FMN1: variants seen among roughly 807,000 people sequenced by gnomAD.
FMN1 encodes formin 1, also known as formin-1.
A neutral mutation model predicts 132.4 loss-of-function variants in FMN1; 110 were observed. The observed-to-expected ratio is 0.83, with a 90% CI of 0.71 to 0.97. FMN1 has a LOEUF of 0.97. Among genes scored for constraint, FMN1 ranks in the 50% least tolerant of loss-of-function variants. The probability of loss-of-function intolerance (pLI) is 0.00; values close to 1 mark genes in which losing one functional copy is unlikely to be tolerated. For synonymous variants in FMN1, 722 were observed against 651.7 expected, an observed-to-expected ratio of 1.11 and a Z score of -1.64; for missense variants, 1,792 against 1,705.3, an observed-to-expected ratio of 1.05 and a Z score of -0.90.
Position 32,901,917 on chromosome 15 carries a change from A to G in FMN1, c.3501T>C (p.Ala1167=), listed in dbSNP as rs763753976. The change falls in exon 13 of 21, where the codon GCT becomes GCC. Residue 1167 remains alanine (A), a synonymous_variant. Coordinates refer to ENST00000616417, the MANE Select transcript of FMN1 (RefSeq NM_001277313.2). ...AATTAGACAGTAAACATACCTTAGA[A>G]GCTCGCGTGATGATCTCTACCTTTC... is the stretch of plus-strand genomic sequence containing the variant. ...LHRKVEIITR[A]SKDLLHVKSV... is the part of the protein sequence containing the mutation. 1 of 1,606,524 alleles carries G rather than the reference A, an allele frequency of 6.2e-7. No homozygotes were observed. The highest frequency in any genetic ancestry group is 2.2e-5 in the East Asian group (1 of 44,734).
At chr15:33,098,456 A>T (rs1033719255) in intron 4 of FMN1, among the ~76,000 whole-genome samples, 2 of 152,134 alleles carry the variant, frequency 1.3e-5, no homozygotes. Context: ...ACACACTACA[A>T]CATTATTCTG....
At chr15:32,862,128 A>G (rs2059283516) in intron 16 of FMN1, among the ~76,000 whole-genome samples, 2 of 152,198 alleles carry the variant, frequency 1.3e-5, no homozygotes, top group African/African-American at 4.8e-5. Context: ...TCTAGCAGAC[A>G]AATGGGAGAC....
chr15:33,129,736 C>CTT (rs1963452013), intron 4 of FMN1, among the ~76,000 whole-genome samples: 1 of 151,894 alleles, frequency 6.6e-6, no homozygotes, highest in African/African-American at 2.4e-5. Flanking sequence ...TGTAAGATAA[C>CTT]CAGACTGCCT....
intron 6 of FMN1, among the ~76,000 whole-genome samples, chr15:33,044,164 A>C (rs550220937): frequency 6.6e-6 from 1 of 152,326 alleles, no homozygotes; most frequent in South Asian, 2.1e-4. Context: ...GGCACCAATG[A>C]GCATGGGATG....
chr15:32,959,884 T>C (rs1236892852), intron 9 of FMN1, among the ~76,000 whole-genome samples: 3 of 152,108 alleles, frequency 2.0e-5, no homozygotes, highest in Admixed American at 6.5e-5. Context: ...TAAGAAGCAA[T>C]AAAGAACAAA....
intron 9 of FMN1, among the ~76,000 whole-genome samples, chr15:32,956,334 T>C (rs1014025067): frequency 6.6e-6 from 1 of 151,566 alleles, no homozygotes; most frequent in Non-Finnish European, 1.5e-5. Flanking sequence ...ATCATTGATA[T>C]TCATATTTGA....
At chr15:32,855,230 G>GTC (rs1229855363) in intron 17 of FMN1, among the ~76,000 whole-genome samples, 1 of 150,782 alleles carries the variant, frequency 6.6e-6, no homozygotes, top group Non-Finnish European at 1.5e-5. Context: ...GAGAGATGCT[G>GTC]ATGATGGGTC....
rs1162033624 is a variant in FMN1, at chr15:32,774,359, T to TAAGGA, written c.4216-10_4216-6dup. The TAAGGA allele has an allele frequency of 7.6e-6, 12 of 1,577,890 alleles. No individual in the cohort carries two copies. Among genetic ancestry groups the TAAGGA allele is most frequent in the African/African-American group, 1.4e-5 (1 of 73,564 alleles). On this transcript the variant is annotated splice_polypyrimidine_tract_variant and splice_region_variant and intron_variant, in intron 20 of 20. Coordinates refer to ENST00000616417, the MANE Select transcript of FMN1 (RefSeq NM_001277313.2). ...CTTCTGACGCAGTCTTTCTTTCTGT[T>TAAGGA]AAGGAAAAAAAAATGAATGTATCAT...
intron 13 of FMN1, among the ~76,000 whole-genome samples, chr15:32,900,612 G>C (rs527974837): frequency 6.6e-6 from 1 of 152,182 alleles, no homozygotes; most frequent in Non-Finnish European, 1.5e-5. Flanking sequence ...ATAATTTTCA[G>C]AGCTAAACTA....
intron 17 of FMN1, chr15:32,811,142 A>C (rs755828834): frequency 4.4e-6 from 2 of 454,968 alleles, no homozygotes; most frequent in African/African-American, 4.0e-5. Context: ...AAAACAACAG[A>C]TATTTGGAAC....
chr15:32,793,762 G>A (rs17228760), intron 19 of FMN1, among the ~76,000 whole-genome samples: 3,343 of 152,218 alleles, frequency 0.022, 52 homozygotes, highest in Admixed American at 0.035. Flanking sequence ...GTGGTTAAAT[G>A]AATACAAGTC....
At position 32,773,796 on chromosome 15, in the gene FMN1, T is replaced by G. The variant is rs1356901431; in HGVS notation, c.*514A>C. 1 of 156,720 alleles carries G rather than the reference T, an allele frequency of 6.4e-6. No homozygotes were observed. The highest frequency in any genetic ancestry group is 2.4e-5 in the African/African-American group (1 of 41,472). The allele number at this position is 156,720 out of a possible 1,614,324, so 9.7% of individuals were successfully genotyped here. A position where few individuals can be genotyped will look rare whatever the true frequency, so the allele number is the denominator to read the frequency against. Reference sequence around the variant, plus strand: ...TTCTTGGACCTCTTCAAGAATAGTTTTGGTGAGTTGCAACATTATTGGAGA... The same window carrying G: ...TTCTTGGACCTCTTCAAGAATAGTTGTGGTGAGTTGCAACATTATTGGAGA... On this transcript the variant is annotated 3_prime_UTR_variant, in exon 21 of 21. Transcript: ENST00000616417.
rs115246368 is a variant in FMN1 at position 33,110,598 on chromosome 15, A to G, written c.1868-21624T>C. ...GCTATTCTGTCATGCATCTCAAATAATATCAGTAAAACACGTCCCCCCGCC... is the reference window on the plus strand; with the variant it reads ...GCTATTCTGTCATGCATCTCAAATAGTATCAGTAAAACACGTCCCCCCGCC... On this transcript the variant is annotated intron_variant, in intron 4 of 20. Coordinates refer to ENST00000616417, the MANE Select transcript of FMN1 (RefSeq NM_001277313.2). Among the ~76,000 whole-genome samples the G allele has an allele frequency of 4.3e-3, 657 of 152,170 alleles. 4 individuals carry two copies. The highest frequency in any genetic ancestry group is 0.015 in the African/African-American group (624 of 41,546).
intron 17 of FMN1, among the ~76,000 whole-genome samples, chr15:32,819,926 C>G (rs2058164572): frequency 6.6e-6 from 1 of 152,068 alleles, no homozygotes; most frequent in Non-Finnish European, 1.5e-5. Context: ...ATACTTGAAA[C>G]AGGACTGGCA....
chr15:33,067,558 T>C (rs2037801334), intron 5 of FMN1: 1 of 1,613,860 alleles, frequency 6.2e-7, no homozygotes, highest in Non-Finnish European at 8.5e-7. Context: ...CTGCTTCTTT[T>C]CTCTGACTTC....
intron 5 of FMN1, among the ~76,000 whole-genome samples, chr15:33,079,274 A>G (rs1014433230): frequency 6.6e-6 from 1 of 152,256 alleles, no homozygotes; most frequent in Non-Finnish European, 1.5e-5. Context: ...CAGTTCCATT[A>G]AGCATTAAGG....
intron 5 of FMN1, among the ~76,000 whole-genome samples, chr15:33,073,989 C>G (rs1165200817): frequency 6.6e-6 from 1 of 152,176 alleles, no homozygotes; most frequent in East Asian, 1.9e-4. Context: ...CCTCGGCCCC[C>G]CAGTGTACTG....
chr15:33,147,885 A>G (rs1037882227), intron 4 of FMN1, among the ~76,000 whole-genome samples: 1 of 152,198 alleles, frequency 6.6e-6, no homozygotes, highest in South Asian at 2.1e-4. Context: ...AGCAGGCACA[A>G]TGGGATCTCA....
chr15:32,823,152 G>GTTTTTTTTTTT lies in FMN1; in HGVS notation c.3929-18831_3929-18821dup, dbSNP rs373185751. Among the ~76,000 whole-genome samples, 27 of 86,226 alleles carry GTTTTTTTTTTT rather than the reference G, an allele frequency of 3.1e-4. 5 individuals are homozygous for GTTTTTTTTTTT. The highest frequency in any genetic ancestry group is 1.3e-3 in the African/African-American group (25 of 18,752). The allele number at this position is 86,226 out of a possible 152,430, so 56.6% of individuals were successfully genotyped here. A position where few individuals can be genotyped will look rare whatever the true frequency, so the allele number is the denominator to read the frequency against. ...GTCTCAAAGACAGAGAGTTTCTACT[G>GTTTTTTTTTTT]TTTTTTTTTTTTTTTTTTTTTTTTT... On this transcript the variant is annotated intron_variant, in intron 17 of 20. Coordinates refer to ENST00000616417, the MANE Select transcript of FMN1 (RefSeq NM_001277313.2).
Sources: gnomAD v4.1 joint callset for allele counts (sites outside exome capture counted in the v4.1 genomes callset) on GRCh38, gnomAD v4.1.1 for gene constraint, MANE v1.5 for transcripts, NCBI Gene and HGNC (gene_info 2026-07-23, HGNC 2026-07-21) for gene names.